Variants in NRG1 observed in about 807,000 individuals in gnomAD.
NRG1 encodes the protein neuregulin 1, also known as pro-neuregulin-1, membrane-bound isoform.
A neutral mutation model predicts 63.8 loss-of-function variants in NRG1; 18 were observed. The ratio of observed to expected loss-of-function variants is 0.28; its 90% CI spans 0.19 to 0.42. The LOEUF is 0.42. Among genes scored for constraint, NRG1 ranks in the 10% least tolerant of loss-of-function variants. The probability of loss-of-function intolerance (pLI) is 1.00; values close to 1 mark genes in which losing one functional copy is unlikely to be tolerated. For synonymous variants in NRG1, 302 were observed against 301.3 expected, an observed-to-expected ratio of 1.00 and a Z score of -0.02; for missense variants, 762 against 814.7, an observed-to-expected ratio of 0.94 and a Z score of 0.79.
intron 1 of NRG1, among the ~76,000 whole-genome samples, chr8:31,819,559 A>G (rs1458260129): frequency 5.9e-5 from 9 of 152,174 alleles, no homozygotes; most frequent in African/African-American, 2.2e-4. Flanking sequence ...TATTGTTCAT[A>G]TTTTCAACCC....
intron 1 of NRG1, among the ~76,000 whole-genome samples, chr8:32,059,534 C>G (rs1207352335): frequency 6.6e-6 from 1 of 151,950 alleles, no homozygotes; most frequent in Non-Finnish European, 1.5e-5. Context: ...CTTGCATACT[C>G]TCATATTTGT....
intron 1 of NRG1, among the ~76,000 whole-genome samples, chr8:32,211,171 G>A (rs1409082553): frequency 6.6e-6 from 1 of 152,082 alleles, no homozygotes; most frequent in Non-Finnish European, 1.5e-5. Context: ...CAAAGATAAA[G>A]GGGAAAGATT....
chr8:31,870,794 G>T (rs895945598), intron 1 of NRG1, among the ~76,000 whole-genome samples: 1 of 151,840 alleles, frequency 6.6e-6, no homozygotes, highest in African/African-American at 2.4e-5. Context: ...AGGCTGCTAG[G>T]CATTCTTTTA....
chr8:32,595,717 A>G, intron 1 of NRG1, 111 bp from the exon 2 acceptor site: 1 of 938,490 alleles, frequency 1.1e-6, no homozygotes, highest in Non-Finnish European at 1.5e-6. Flanking sequence ...TCTCTCTGTT[A>G]ATAAAACCTT....
At chr8:32,311,679 T>C (rs1241804022) in intron 1 of NRG1, among the ~76,000 whole-genome samples, 1 of 152,186 alleles carries the variant, frequency 6.6e-6, no homozygotes, top group African/African-American at 2.4e-5. Context: ...GATTTATATT[T>C]TGCAGAAATC....
intron 1 of NRG1, among the ~76,000 whole-genome samples, chr8:31,920,597 TATC>T (rs1453044145): frequency 2.0e-5 from 3 of 152,130 alleles, no homozygotes; most frequent in African/African-American, 7.2e-5. Context: ...AGCCTTATGT[TATC>T]ATGGCTATAA....
At chr8:31,952,293 T>C (rs1803600258) in intron 1 of NRG1, among the ~76,000 whole-genome samples, 1 of 152,314 alleles carries the variant, frequency 6.6e-6, no homozygotes, top group Admixed American at 6.5e-5. Context: ...AAGAACTTAT[T>C]ACAAATCAAA....
chr8:31,902,162 A>G (rs957308024), intron 1 of NRG1, among the ~76,000 whole-genome samples: 1 of 152,238 alleles, frequency 6.6e-6, no homozygotes, highest in Non-Finnish European at 1.5e-5. Context: ...TAAGTAAACC[A>G]GAAAGTTATT....
Position 32,648,445 on chromosome 8 carries a change from C to A in NRG1, c.502+31560C>A, listed in dbSNP as rs1368519004. The A allele has an allele frequency of 3.2e-6, 5 of 1,552,178 alleles. No homozygotes were observed. In the East Asian group the frequency reaches 7.0e-5, roughly 22 times the overall value. On this transcript the variant is annotated intron_variant, in intron 5 of 11. Transcript: ENST00000356819. ...TGAATAAAAGGGGTGGGTTTGAGGT[C>A]CCCAAAGGACATTTCCCTTTCTTCT...
intron 1 of NRG1, among the ~76,000 whole-genome samples, chr8:32,243,361 C>G (rs1260227354): frequency 1.3e-5 from 2 of 150,866 alleles, no homozygotes; most frequent in Non-Finnish European, 2.9e-5. Context: ...ACCCAGGAGG[C>G]AGACGTTGCA....
chr8:32,474,708 G>A (rs1224107323), intron 1 of NRG1, among the ~76,000 whole-genome samples: 1 of 151,898 alleles, frequency 6.6e-6, no homozygotes, highest in Non-Finnish European at 1.5e-5. Flanking sequence ...GTTTCACCAT[G>A]TTGGCCGGGA....
chr8:32,125,448 T>G (rs1418830567), intron 1 of NRG1, among the ~76,000 whole-genome samples: 1 of 151,988 alleles, frequency 6.6e-6, no homozygotes, highest in Non-Finnish European at 1.5e-5. Flanking sequence ...ATCACTTCTG[T>G]AATCTGCTGA....
chr8:32,050,967 T>C (rs1371277789), intron 1 of NRG1, among the ~76,000 whole-genome samples: 2 of 151,754 alleles, frequency 1.3e-5, no homozygotes, highest in Non-Finnish European at 2.9e-5. Context: ...GATCAGAAAA[T>C]GAAAAAGCCA....
At chr8:31,751,868 G>A (rs548545585) in intron 1 of NRG1, among the ~76,000 whole-genome samples, 68 of 152,068 alleles carry the variant, frequency 4.5e-4, no homozygotes, top group South Asian at 1.0e-3. Flanking sequence ...TGGGGGTGCC[G>A]TTTATGGAGA....
At chr8:31,757,837 A>G (rs1817131290) in intron 1 of NRG1, among the ~76,000 whole-genome samples, 1 of 152,122 alleles carries the variant, frequency 6.6e-6, no homozygotes. Flanking sequence ...ATACTTGTGA[A>G]CAAAACTTCA....
intron 1 of NRG1, among the ~76,000 whole-genome samples, chr8:31,674,700 A>G (rs1315445362): frequency 6.6e-6 from 1 of 152,192 alleles, no homozygotes; most frequent in African/African-American, 2.4e-5. Flanking sequence ...TTACAGATGA[A>G]TATTCAAAGT....
intron 1 of NRG1, among the ~76,000 whole-genome samples, chr8:32,485,541 T>C (rs1198237508): frequency 6.6e-6 from 1 of 152,216 alleles, no homozygotes; most frequent in Non-Finnish European, 1.5e-5. Flanking sequence ...GTCCCTGTCT[T>C]TTTTATTTCA....
chr8:32,573,160 G>T (rs1332474066), intron 1 of NRG1, among the ~76,000 whole-genome samples: 1 of 152,160 alleles, frequency 6.6e-6, no homozygotes, highest in Non-Finnish European at 1.5e-5. Flanking sequence ...TCAAAATGCA[G>T]ACCCTGCATG....
At chr8:32,176,153 G>T (rs1303372423) in intron 1 of NRG1, among the ~76,000 whole-genome samples, 1 of 152,196 alleles carries the variant, frequency 6.6e-6, no homozygotes, top group East Asian at 1.9e-4. Context: ...GAACAGAACA[G>T]AGGCCTCAGA....
Sources: allele counts gnomAD v4.1 joint callset (sites outside exome capture counted in the v4.1 genomes callset), GRCh38; gene constraint gnomAD v4.1.1; transcripts MANE v1.5; gene names NCBI Gene and HGNC (gene_info 2026-07-23, HGNC 2026-07-21).